CAMSAP2: variants seen among roughly 807,000 people sequenced by gnomAD.
CAMSAP2 encodes calmodulin-regulated spectrin-associated protein 2.
Under a neutral mutation model 146.1 loss-of-function variants are expected in CAMSAP2, and 26 were observed. The ratio of observed to expected loss-of-function variants is 0.18; its 90% CI spans 0.13 to 0.25. The LOEUF (loss-of-function observed/expected upper bound fraction) is 0.25, where lower values mean the gene tolerates loss of function less well. Ranked by LOEUF, CAMSAP2 falls within the 10% of genes least tolerant of loss-of-function variation. CAMSAP2 has a pLI of 1.00. For synonymous variants in CAMSAP2, 499 were observed against 596.6 expected (o/e 0.84, Z 2.38); for missense variants, 1,381 against 1,759.3 (o/e 0.78, Z 3.85).
rs778379094 is a variant in CAMSAP2 at position 200,848,815 on chromosome 1, T to A, written c.2046T>A (p.Ser682=). 5 of 1,614,166 alleles carry A rather than the reference T, an allele frequency of 3.1e-6. No homozygotes were observed. The South Asian group carries it at 5.5e-5, about 18-fold the overall frequency. ...CAGGCAGCAGTGCTTCTTCTAGTTC[T>A]GGAGTTAAAATGACCAGCTTTGCTG... ...SQPGSSASSS[S]GVKMTSFAEQ... is the part of the protein sequence containing the mutation. Residue 682 remains serine (S), a synonymous_variant, in exon 11 of 17, where the codon TCT becomes TCA. Transcript: ENST00000358823.
intron 6 of CAMSAP2, among the ~76,000 whole-genome samples, chr1:200,838,994 A>T (rs1667250697): frequency 6.6e-6 from 1 of 152,192 alleles, no homozygotes; most frequent in African/African-American, 2.4e-5. Flanking sequence ...CTGCAGTAAG[A>T]TCACATTTGT....
chr1:200,785,190 G>A (rs904418297), intron 2 of CAMSAP2, among the ~76,000 whole-genome samples: 13 of 152,058 alleles, frequency 8.5e-5, no homozygotes, highest in African/African-American at 1.4e-4. Flanking sequence ...AGCCATGTTC[G>A]TGAGAGATAT....
At chr1:200,834,160 C>T (rs755169329) in intron 6 of CAMSAP2, among the ~76,000 whole-genome samples, 1 of 151,932 alleles carries the variant, frequency 6.6e-6, no homozygotes, top group Non-Finnish European at 1.5e-5. Flanking sequence ...GCGAGGAGTT[C>T]GAGACCAGCC....
chr1:200,789,297 A>G (rs189515349), intron 2 of CAMSAP2, among the ~76,000 whole-genome samples: 78 of 152,160 alleles, frequency 5.1e-4, no homozygotes, highest in African/African-American at 1.8e-3. Context: ...ATCTTCTAGA[A>G]GTTTTATAGT....
At chr1:200,828,442 A>G (rs1666958059) in intron 4 of CAMSAP2, 1 of 788,630 alleles carries the variant, frequency 1.3e-6, no homozygotes, top group Admixed American at 2.7e-5. Flanking sequence ...AACATATGAA[A>G]TGTTATGAGA....
chr1:200,788,635 CT>C (rs1156368541), intron 2 of CAMSAP2, among the ~76,000 whole-genome samples: 2 of 115,780 alleles, frequency 1.7e-5, no homozygotes, highest in African/African-American at 3.3e-5. Context: ...AACATCTTTT[CT>C]TTTTTTCTTT....
At chr1:200,805,990 A>C (rs1266993665) in intron 2 of CAMSAP2, among the ~76,000 whole-genome samples, 1 of 152,226 alleles carries the variant, frequency 6.6e-6, no homozygotes, top group Non-Finnish European at 1.5e-5. Context: ...AGATGGAATT[A>C]AAGTTATGGA....
chr1:200,741,658 C>G (rs1305220562), intron 1 of CAMSAP2, among the ~76,000 whole-genome samples: 1 of 152,182 alleles, frequency 6.6e-6, no homozygotes, highest in Non-Finnish European at 1.5e-5. Flanking sequence ...CATGCATACA[C>G]AAAAGCTTCC....
intron 8 of CAMSAP2, among the ~76,000 whole-genome samples, chr1:200,846,197 C>G (rs948993870): frequency 6.6e-6 from 1 of 152,136 alleles, no homozygotes; most frequent in Admixed American, 6.5e-5. Flanking sequence ...CATGGTGGGT[C>G]AATAGTGACA....
chr1:200,854,723 G>A (rs1026864783), intron 13 of CAMSAP2, 94 bp from the exon 14 acceptor site: 21 of 782,356 alleles, frequency 2.7e-5, no homozygotes, highest in Non-Finnish European at 3.9e-5. Context: ...TTATATGCTG[G>A]TGTTATCTAA....
intron 2 of CAMSAP2, among the ~76,000 whole-genome samples, chr1:200,768,542 G>A (rs1488433018): frequency 6.6e-6 from 1 of 152,192 alleles, no homozygotes; most frequent in Non-Finnish European, 1.5e-5. Flanking sequence ...GAAAGTCACT[G>A]TGGTGTATTG....
At chr1:200,764,294 G>T (rs915521733) in intron 2 of CAMSAP2, among the ~76,000 whole-genome samples, 12 of 152,076 alleles carry the variant, frequency 7.9e-5, no homozygotes. Flanking sequence ...GGTAGCAAAA[G>T]TATCATCCTA....
At chr1:200,851,621 T>C (rs1667621504) in intron 11 of CAMSAP2, among the ~76,000 whole-genome samples, 1 of 152,222 alleles carries the variant, frequency 6.6e-6, no homozygotes, top group Non-Finnish European at 1.5e-5. Context: ...TCTGACTTTC[T>C]CCATTCAGAG....
intron 1 of CAMSAP2, 139 bp downstream of exon 1, chr1:200,740,105 G>A (rs1664113948): frequency 2.1e-6 from 2 of 934,944 alleles, no homozygotes; most frequent in Non-Finnish European, 3.2e-6. Context: ...AGGCTAGGAA[G>A]AGAAAGAAAG....
chr1:200,752,015 C>A (rs796398221), intron 1 of CAMSAP2, among the ~76,000 whole-genome samples: 10 of 152,236 alleles, frequency 6.6e-5, no homozygotes, highest in African/African-American at 2.4e-4. Flanking sequence ...CTTGGAAATG[C>A]CTGTAAAGCA....
intron 4 of CAMSAP2, among the ~76,000 whole-genome samples, chr1:200,830,517 T>G (rs2102212917): frequency 6.6e-6 from 1 of 152,312 alleles, no homozygotes; most frequent in African/African-American, 2.4e-5. Context: ...AGGCAGACTG[T>G]TTTTATCCCA....
At chr1:200,846,348 G>A (rs1239619712) in intron 8 of CAMSAP2, among the ~76,000 whole-genome samples, 2 of 152,086 alleles carry the variant, frequency 1.3e-5, no homozygotes, top group Admixed American at 1.3e-4. Flanking sequence ...ATTATTCTAG[G>A]AACCTAAATG....
At position 200,824,235 on chromosome 1, in the gene CAMSAP2, C is replaced by CT. The variant is rs76100494; in HGVS notation, c.646-7951dup. The stretch of plus-strand genomic sequence containing the variant: ...TTGATATGCCCCCATTCATCCATCT[C>CT]TTTTTTTTTTTTTTGCCCCTCCTTA... On this transcript the variant is annotated intron_variant, in intron 4 of 16. Coordinates refer to ENST00000358823, the MANE Select transcript of CAMSAP2 (RefSeq NM_203459.4). 1.9e-3 allele frequency among the ~76,000 whole-genome samples: 274 copies of CT among 141,160 alleles called. 1 individual carries two copies. The highest frequency in any genetic ancestry group is 3.3e-3 in the East Asian group (16 of 4,860). The allele number at this position is 141,160 out of a possible 152,430, so 92.6% of individuals were successfully genotyped here.
In CAMSAP2 at chr1:200,832,965, G is replaced by A. The variant is rs2102218207; in HGVS notation, c.927+120G>A. ...AATCCCAGTACTTTGGGAGGACAAG[G>A]TGGGAGGATTGCTTAAGCCTGGGAG... On this transcript the variant is annotated intron_variant, in intron 6 of 16. Coordinates refer to ENST00000358823, the MANE Select transcript of CAMSAP2 (RefSeq NM_203459.4). This position sits in a 1 kb window ranked among gnomAD's most constrained non-coding sequence, Gnocchi z 4.2. The A allele has an allele frequency of 3.6e-6, 3 of 838,940 alleles. 1 individual carries two copies. Among genetic ancestry groups the A allele is most frequent in the Non-Finnish European group, 3.4e-6 (2 of 590,846 alleles). 52.0% of individuals were successfully genotyped at this position (838,940 alleles called of 1,614,324 possible).
Sources: gnomAD v4.1 joint callset for allele counts (sites outside exome capture counted in the v4.1 genomes callset) on GRCh38, gnomAD v4.1.1 for gene constraint, Gnocchi (gnomAD v3.1) non-coding constraint, MANE v1.5 for transcripts, NCBI Gene and HGNC (gene_info 2026-07-23, HGNC 2026-07-21) for gene names.